The following BRWD1 variants were observed in gnomAD, a reference collection of about 807,000 sequenced individuals.
BRWD1 encodes the protein bromodomain and WD repeat-containing protein 1.
Under a neutral mutation model 251.2 loss-of-function variants are expected in BRWD1, and 82 were observed. That is an observed-to-expected ratio of 0.33 (90% CI 0.27 to 0.39). The LOEUF (loss-of-function observed/expected upper bound fraction) is 0.39, where lower values mean the gene tolerates loss of function less well. Ranked by LOEUF, BRWD1 falls within the 10% of genes least tolerant of loss-of-function variation. BRWD1 has a pLI of 1.00. For synonymous variants in BRWD1, 918 were observed against 902.8 expected, an observed-to-expected ratio of 1.02 and a Z score of -0.30; for missense variants, 2,233 against 2,711.6, an observed-to-expected ratio of 0.82 and a Z score of 3.92.
intron 4 of BRWD1, among the ~76,000 whole-genome samples, chr21:39,306,695 G>C (rs2036299177): frequency 6.6e-6 from 1 of 152,090 alleles, no homozygotes; most frequent in South Asian, 2.1e-4. Flanking sequence ...TTTTGTGTGA[G>C]GAACAGACTT....
chr21:39,285,332 G>C (rs985859218), intron 8 of BRWD1, among the ~76,000 whole-genome samples: 8 of 152,098 alleles, frequency 5.3e-5, no homozygotes, highest in African/African-American at 1.7e-4. Context: ...ATGGGGGAAG[G>C]GGGGGACCAT....
Position 39,203,537 on chromosome 21 carries a change from G to T in BRWD1, c.4365-992C>A, listed in dbSNP as rs1360115355. On this transcript the variant is annotated intron_variant, in intron 37 of 40. Coordinates refer to ENST00000342449, the MANE Select transcript of BRWD1 (RefSeq NM_033656.4). ...TTCTCCTGCCTCAGCCTCCTGAGTA[G>T]CTGGGACTACAGGCGCCCACCACCA... is the stretch of plus-strand genomic sequence containing the variant. Among the ~76,000 whole-genome samples, 3 of 143,762 alleles carry T rather than the reference G, an allele frequency of 2.1e-5. No homozygotes were observed. In the East Asian group the frequency reaches 6.2e-4, roughly 30 times the overall value. The allele number at this position is 143,762 out of a possible 152,430, so 94.3% of individuals were successfully genotyped here. A position where few individuals can be genotyped will look rare whatever the true frequency, so the allele number is the denominator to read the frequency against.
At position 39,313,263 on chromosome 21, in the gene BRWD1, CCCG is replaced by C; in HGVS notation, c.83_85del (p.Ala28del). On this transcript the variant is annotated inframe_deletion, in exon 2 of 41. Transcript: ENST00000342449. ...CACCTGGGCCGCTCTCCGACACGGG[CCCG>C]CCGATAGGTACCGGGCGATAAGGAA... The C allele has an allele frequency of 6.4e-7, 1 of 1,558,620 alleles. No homozygotes were observed. Among genetic ancestry groups the C allele is most frequent in the African/African-American group, 1.4e-5 (1 of 70,734 alleles).
intron 4 of BRWD1, chr21:39,312,596 GACCT>G: frequency 8.3e-6 from 3 of 360,870 alleles, no homozygotes; most frequent in Non-Finnish European, 1.5e-5. Context: ...CCTGCCGCAG[GACCT>G]CCGCGAGTCG....
chr21:39,257,726 C>A (rs560337564), intron 18 of BRWD1, among the ~76,000 whole-genome samples: 160 of 151,790 alleles, frequency 1.1e-3, no homozygotes, highest in African/African-American at 3.5e-3. Context: ...TTGGATGATA[C>A]AGGATGAAGC....
intron 4 of BRWD1, among the ~76,000 whole-genome samples, chr21:39,300,274 A>G (rs151150092): frequency 6.6e-6 from 1 of 152,310 alleles, no homozygotes; most frequent in East Asian, 1.9e-4. Flanking sequence ...TCCTAAGGCT[A>G]GAGATAGGAC....
At chr21:39,294,426 G>C (rs1034667601) in intron 7 of BRWD1, among the ~76,000 whole-genome samples, 16 of 152,212 alleles carry the variant, frequency 1.1e-4, no homozygotes, top group African/African-American at 3.6e-4. Context: ...GGGAGGCCCA[G>C]GTGGGCGGAT....
At chr21:39,234,376 T>C (rs1235913262) in intron 23 of BRWD1, among the ~76,000 whole-genome samples, 4 of 152,174 alleles carry the variant, frequency 2.6e-5, no homozygotes, top group African/African-American at 9.7e-5. Flanking sequence ...CTATATATTA[T>C]TAAGAAGGCA....
intron 34 of BRWD1, among the ~76,000 whole-genome samples, chr21:39,211,375 G>T (rs2032650308): frequency 6.6e-6 from 1 of 152,180 alleles, no homozygotes; most frequent in East Asian, 1.9e-4. Flanking sequence ...ACCTTGAGAT[G>T]AAAGATTATC....
chr21:39,312,962 GGGGGCC>G lies in BRWD1; in HGVS notation c.139-68_139-63del, dbSNP rs1204778858. On this transcript the variant is annotated intron_variant, in intron 3 of 40. Coordinates refer to ENST00000342449, the MANE Select transcript of BRWD1 (RefSeq NM_033656.4). ...TCCGGCGCGGGGGGGGCGGGGGGCGGGGGGCCGGGGGCGGGCGGCGGGCGGCGGGCG... is the reference window on the plus strand; with the variant it reads ...TCCGGCGCGGGGGGGGCGGGGGGCGGGGGGGCGGGCGGCGGGCGGCGGGCG... 8.0e-5 allele frequency: 39 copies of G among 486,744 alleles called. 1 individual carries two copies. In the Middle Eastern group the frequency reaches 4.1e-3, roughly 51 times the overall value. 30.2% of individuals were successfully genotyped at this position (486,744 alleles called of 1,614,324 possible).
At chr21:39,305,118 C>A (rs1349129748) in intron 4 of BRWD1, among the ~76,000 whole-genome samples, 1 of 151,972 alleles carries the variant, frequency 6.6e-6, no homozygotes, top group East Asian at 1.9e-4. Context: ...TACCACCATG[C>A]CTGGCTAATT....
At position 39,189,863 on chromosome 21, in the gene BRWD1, C is replaced by A; in HGVS notation, c.*6396G>T. The A allele has an allele frequency of 1.0e-6, 1 of 985,340 alleles. No individual in the cohort carries two copies. Among genetic ancestry groups the A allele is most frequent in the Non-Finnish European group, 1.2e-6 (1 of 829,884 alleles). The allele number at this position is 985,340 out of a possible 1,614,324, so 61.0% of individuals were successfully genotyped here. A position where few individuals can be genotyped will look rare whatever the true frequency, so the allele number is the denominator to read the frequency against. On this transcript the variant is annotated 3_prime_UTR_variant, in exon 41 of 41. Coordinates refer to ENST00000342449, the MANE Select transcript of BRWD1 (RefSeq NM_033656.4). ...AGAACTCTGGATGTTGCTGCTCTAACAATGCATTTGTGATGGTGCCATGTG... is the reference window on the plus strand; with the variant it reads ...AGAACTCTGGATGTTGCTGCTCTAAAAATGCATTTGTGATGGTGCCATGTG...
chr21:39,282,520 CT>C (rs1568949288), intron 8 of BRWD1, among the ~76,000 whole-genome samples: 1 of 152,032 alleles, frequency 6.6e-6, no homozygotes, highest in Non-Finnish European at 1.5e-5. Context: ...ATTGAAGATT[CT>C]TTTATTCCTT....
chr21:39,226,483 C>A lies in BRWD1; in HGVS notation c.3209-1286G>T, dbSNP rs8131862. Among the ~76,000 whole-genome samples, 186 of 152,302 alleles carry A rather than the reference C, an allele frequency of 1.2e-3. 1 individual carries two copies. The highest frequency in any genetic ancestry group is 3.9e-3 in the African/African-American group (162 of 41,566). ...CTGGGACTCCATCTCTAGAGTTTAA[C>A]TGTAGATAATTCAGTTTTAAAAAAA... On this transcript the variant is annotated intron_variant, in intron 27 of 40. Transcript: ENST00000342449.
chr21:39,264,820 C>A, intron 16 of BRWD1, 71 bp downstream of exon 16: 4 of 1,566,534 alleles, frequency 2.6e-6, no homozygotes, highest in Non-Finnish European at 3.5e-6. Context: ...AAACATAGCT[C>A]ATAACTACTT....
At chr21:39,272,502 GGGCGACAGAGCAAGACTCTGTCTCCAA>G (rs1042663658) in intron 13 of BRWD1, among the ~76,000 whole-genome samples, 14 of 151,370 alleles carry the variant, frequency 9.2e-5, no homozygotes, top group African/African-American at 3.4e-4. Flanking sequence ...ACTCCAGCCT[GGGCGACAGAGCAAGACTCTGTCTCCAA>G]AAAAAAAAGT....
intron 34 of BRWD1, among the ~76,000 whole-genome samples, chr21:39,212,437 TG>T (rs545369190): frequency 2.0e-5 from 3 of 152,152 alleles, no homozygotes; most frequent in Non-Finnish European, 4.4e-5. Flanking sequence ...GTCTTTCCTG[TG>T]GTAGCCTCTA....
At position 39,272,306 on chromosome 21, in the gene BRWD1, A is replaced by T. The variant is rs868271736; in HGVS notation, c.1245-1873T>A. Among the ~76,000 whole-genome samples, 9 of 115,082 alleles carry T rather than the reference A, an allele frequency of 7.8e-5. 1 individual carries two copies. Among genetic ancestry groups the T allele is most frequent in the African/African-American group, 2.9e-4 (9 of 31,068 alleles). 75.5% of individuals were successfully genotyped at this position (115,082 alleles called of 152,430 possible). On this transcript the variant is annotated intron_variant, in intron 13 of 40. Transcript: ENST00000342449. The stretch of plus-strand genomic sequence containing the variant: ...TGCACATGTACCCTAAAACTTAAAT[A>T]AATAAAAAAAAAAAAAAAGACCATC...
At chr21:39,273,120 C>T (rs750045619) in intron 13 of BRWD1, among the ~76,000 whole-genome samples, 2 of 152,128 alleles carry the variant, frequency 1.3e-5, no homozygotes, top group African/African-American at 2.4e-5. Context: ...GGATCGAGTG[C>T]GTCAGCAAGA....
Sources: allele counts gnomAD v4.1 joint callset (sites outside exome capture counted in the v4.1 genomes callset), GRCh38; gene constraint gnomAD v4.1.1; transcripts MANE v1.5; gene names NCBI Gene and HGNC (gene_info 2026-07-23, HGNC 2026-07-21).